Variants in USP5 observed in about 807,000 individuals in gnomAD.
USP5 encodes ubiquitin carboxyl-terminal hydrolase 5.
A neutral mutation model predicts 102.5 loss-of-function variants in USP5; 24 were observed. The ratio of observed to expected loss-of-function variants is 0.23; its 90% CI spans 0.17 to 0.33. USP5 has a LOEUF of 0.33. USP5 is among the 10% of genes least tolerant of loss of function. The pLI, the probability that USP5 is intolerant of heterozygous loss-of-function variation, is 1.00. For missense variants in USP5, 753 were observed against 1,122.1 expected (o/e 0.67, Z 4.70); for synonymous variants, 460 against 434.8 (o/e 1.06, Z -0.72).
chr12:6,866,260 CTG>C lies in USP5; in HGVS notation c.*184_*185del. 5 of 608,226 alleles carry C rather than the reference CTG, an allele frequency of 8.2e-6. No homozygotes were observed. The highest frequency in any genetic ancestry group is 2.0e-5 in the South Asian group (1 of 50,402). 37.7% of individuals were successfully genotyped at this position (608,226 alleles called of 1,614,324 possible). A position where few individuals can be genotyped will look rare whatever the true frequency, so the allele number is the denominator to read the frequency against. The stretch of plus-strand genomic sequence containing the variant: ...CAGAGCAGAGGGGCAGCGATAGACT[CTG>C]GGGATGGAGCAGGACGGGGACGGGA... On this transcript the variant is annotated 3_prime_UTR_variant, in exon 20 of 20. Transcript: ENST00000229268. The surrounding 1 kb of genome is among the most constrained non-coding windows in gnomAD (Gnocchi z 4.7).
In USP5 at chr12:6,855,726, C is replaced by T. The variant is rs782187979; in HGVS notation, c.238-29C>T. 16 of 1,613,742 alleles carry T rather than the reference C, an allele frequency of 9.9e-6. No individual in the cohort carries two copies. In the South Asian group the frequency reaches 1.8e-4, roughly 18 times the overall value. On this transcript the variant is annotated intron_variant, in intron 2 of 19. Transcript: ENST00000229268. This position sits in a 1 kb window ranked among gnomAD's most constrained non-coding sequence, Gnocchi z 4.6. The stretch of plus-strand genomic sequence containing the variant: ...CTTGTTCCTTCGCTCGTGCTCATTG[C>T]TGATCCAGCCCTTCCTGCTTCTTTA...
chr12:6,865,152 C>T lies in USP5; in HGVS notation c.2399-12C>T. ...TCTGTTTCCTTCTCTGACCCCCTCTCTCCTTTCCTAGAGTATCAGCTCTTT... is the reference window on the plus strand; with the variant it reads ...TCTGTTTCCTTCTCTGACCCCCTCTTTCCTTTCCTAGAGTATCAGCTCTTT... On this transcript the variant is annotated splice_polypyrimidine_tract_variant and intron_variant, in intron 18 of 19. Transcript: ENST00000229268. The T allele has an allele frequency of 6.2e-7, 1 of 1,608,618 alleles. No homozygotes were observed. Among genetic ancestry groups the T allele is most frequent in the Non-Finnish European group, 8.5e-7 (1 of 1,175,096 alleles).
chr12:6,863,883 A>G lies in USP5; in HGVS notation c.2008A>G (p.Met670Val), dbSNP rs782184177. The change falls in exon 16 of 20, where the codon ATG becomes GTG. Residue 670 changes from methionine (M) to valine (V), a missense_variant. Physicochemically the swap from Met to Val is conservative, Grantham distance 21 (BLOSUM62 1). Transcript: ENST00000229268. This position sits in a 1 kb window ranked among gnomAD's most constrained non-coding sequence, Gnocchi z 4.7. The part of the protein sequence containing the change: ...IIQLVEMGFP[M>V]DACRKAVYYT... ...CCAGCTGGTGGAGATGGGATTCCCT[A>G]TGGACGCCTGCCGCAAAGCTGTCTA... 3 of 1,611,838 alleles carry G rather than the reference A, an allele frequency of 1.9e-6. No homozygotes were observed. Among genetic ancestry groups the G allele is most frequent in the South Asian group, 2.2e-5 (2 of 90,846 alleles).
Position 6,855,509 on chromosome 12 carries a change from C to T in USP5, c.220C>T (p.Arg74Trp), listed in dbSNP as rs1027149668. ...KTGQRVYLHL[R>W]RTRRPKEEDP... ...CGGCCAGCGAGTCTACTTGCACCTC[C>T]GGCGGACCCGGCGCCCGGTAGGAGC... Residue 74 changes from arginine to tryptophan, a missense_variant, in exon 2 of 20, where the codon CGG becomes TGG. Transcript: ENST00000229268. This position sits in a 1 kb window ranked among gnomAD's most constrained non-coding sequence, Gnocchi z 4.6. 25 of 1,614,190 alleles carry T rather than the reference C, an allele frequency of 1.5e-5. No individual in the cohort carries two copies. Among genetic ancestry groups the T allele is most frequent in the Non-Finnish European group, 1.9e-5 (22 of 1,180,038 alleles).
rs1944260880 is a variant in USP5, at chr12:6,860,946, C to A, written c.1345-7C>A. The A allele has an allele frequency of 6.2e-6, 10 of 1,614,088 alleles. No individual in the cohort carries two copies. The Middle Eastern group carries it at 9.9e-4, about 160-fold the overall frequency. ...CCAGACCTCCCTACCCTGCCTCTTT[C>A]CCATAGAGGAATTGCCGGAGCTCTG... On this transcript the variant is annotated splice_polypyrimidine_tract_variant and splice_region_variant and intron_variant, in intron 11 of 19. Transcript: ENST00000229268. This position sits in a 1 kb window ranked among gnomAD's most constrained non-coding sequence, Gnocchi z 5.5.
At position 6,863,518 on chromosome 12, in the gene USP5, C is replaced by T; in HGVS notation, c.1954+141C>T. 9.1e-7 allele frequency: 1 copy of T among 1,092,910 alleles called. No homozygotes were observed. The highest frequency in any genetic ancestry group is 1.3e-6 in the Non-Finnish European group (1 of 766,200). 67.7% of individuals were successfully genotyped at this position (1,092,910 alleles called of 1,614,324 possible). A position where few individuals can be genotyped will look rare whatever the true frequency, so the allele number is the denominator to read the frequency against. On this transcript the variant is annotated intron_variant, in intron 15 of 19. Coordinates refer to ENST00000229268, the MANE Select transcript of USP5 (RefSeq NM_001098536.2). This position sits in a 1 kb window ranked among gnomAD's most constrained non-coding sequence, Gnocchi z 4.7. ...GCCCTCTTTGATTGACATGGGGCCTCCCCAGCGCACTCCTAGCCACCTTCT... is the reference window on the plus strand; with the variant it reads ...GCCCTCTTTGATTGACATGGGGCCTTCCCAGCGCACTCCTAGCCACCTTCT...
Position 6,866,362 on chromosome 12 carries a change from G to C in USP5, c.*285G>C, listed in dbSNP as rs1555130956. The C allele has an allele frequency of 2.4e-6, 1 of 415,222 alleles. No individual in the cohort carries two copies. The allele number at this position is 415,222 out of a possible 1,614,324, so 25.7% of individuals were successfully genotyped here. On this transcript the variant is annotated 3_prime_UTR_variant, in exon 20 of 20. Transcript: ENST00000229268. This position sits in a 1 kb window ranked among gnomAD's most constrained non-coding sequence, Gnocchi z 4.7. ...GGAATCCACAGTGCTCTGCTTCTCT[G>C]TGTCGCCCCGCCCAGCCCCCTGGTG...
Position 6,856,485 on chromosome 12 carries a change from C to T in USP5, c.584+35C>T, listed in dbSNP as rs1319713379. 6.3e-7 allele frequency: 1 copy of T among 1,584,414 alleles called. No homozygotes were observed. Among genetic ancestry groups the T allele is most frequent in the Admixed American group, 1.7e-5 (1 of 57,216 alleles). On this transcript the variant is annotated intron_variant, in intron 5 of 19. Coordinates refer to ENST00000229268, the MANE Select transcript of USP5 (RefSeq NM_001098536.2). This position sits in a 1 kb window ranked among gnomAD's most constrained non-coding sequence, Gnocchi z 5.6. Reference sequence around the variant, plus strand: ...GGCCCCTCTGCCTCGGGCACCACCCCCAGAGCAAGGACAAGGAGCCCACTT... The same window carrying T: ...GGCCCCTCTGCCTCGGGCACCACCCTCAGAGCAAGGACAAGGAGCCCACTT...
Position 6,864,983 on chromosome 12 carries a change from T to G in USP5, c.2398+108T>G. The G allele has an allele frequency of 6.8e-7, 1 of 1,472,880 alleles. No individual in the cohort carries two copies. 91.2% of individuals were successfully genotyped at this position (1,472,880 alleles called of 1,614,324 possible). A position where few individuals can be genotyped will look rare whatever the true frequency, so the allele number is the denominator to read the frequency against. Reference sequence around the variant, plus strand: ...CCTCCTCAGGAGTCAGGGGCTTCTTTCCACCTCAACGTGGCATCTGAGGGT... The same window carrying G: ...CCTCCTCAGGAGTCAGGGGCTTCTTGCCACCTCAACGTGGCATCTGAGGGT... On this transcript the variant is annotated intron_variant, in intron 18 of 19. Coordinates refer to ENST00000229268, the MANE Select transcript of USP5 (RefSeq NM_001098536.2). This position sits in a 1 kb window ranked among gnomAD's most constrained non-coding sequence, Gnocchi z 4.8.
At position 6,864,667 on chromosome 12, in the gene USP5, C is replaced by A. The variant is rs537866918; in HGVS notation, c.2245-55C>A. The A allele has an allele frequency of 1.9e-6, 3 of 1,557,476 alleles. No homozygotes were observed. The highest frequency in any genetic ancestry group is 2.7e-5 in the African/African-American group (2 of 74,298). On this transcript the variant is annotated intron_variant, in intron 17 of 19. Coordinates refer to ENST00000229268, the MANE Select transcript of USP5 (RefSeq NM_001098536.2). The surrounding 1 kb of genome is among the most constrained non-coding windows in gnomAD (Gnocchi z 4.8). Reference sequence around the variant, plus strand: ...TCGCGCCACTGCACTCCAGCCTGGGCGACAGAGCAAGACTCCGTCTCAAGA... The same window carrying A: ...TCGCGCCACTGCACTCCAGCCTGGGAGACAGAGCAAGACTCCGTCTCAAGA...
intron 13 of USP5, among the ~76,000 whole-genome samples, 175 bp from the exon 14 acceptor site, chr12:6,862,295 G>C (rs1944301376): frequency 6.6e-6 from 1 of 151,812 alleles, no homozygotes; most frequent in African/African-American, 2.4e-5. Flanking sequence ...GGCCTCTACT[G>C]CTCCTCGTTG....
rs782424731 is a variant in USP5, at chr12:6,864,118, C to A, written c.2167C>A (p.Pro723Thr). The change falls in exon 17 of 20, where the codon CCT becomes ACT. Residue 723 changes from proline (P) to threonine (T), a missense_variant. Pro to Thr is a conservative substitution (Grantham distance 38). This residue lies in a region of USP5 where 193 missense variants were observed against 230.2 expected (regional missense o/e 0.84). Transcript: ENST00000229268. The surrounding 1 kb of genome is among the most constrained non-coding windows in gnomAD (Gnocchi z 4.8). Reference protein sequence around the residue: ...PGSTSAAADPPPEDCVTTIVS... With the variant: ...PGSTSAAADPTPEDCVTTIVS... ...CTCCACAAGCGCAGCAGCCGACCCC[C>A]CTCCTGAGGACTGTGTGACCACCAT... 2.5e-6 allele frequency: 4 copies of A among 1,614,092 alleles called. No individual in the cohort carries two copies. The highest frequency in any genetic ancestry group is 3.4e-6 in the Non-Finnish European group (4 of 1,179,966).
intron 6 of USP5, among the ~76,000 whole-genome samples, chr12:6,857,216 C>T (rs1555128531): frequency 1.2e-4 from 18 of 152,178 alleles, no homozygotes; most frequent in African/African-American, 2.4e-5. Flanking sequence ...ATTGTTTGAG[C>T]ACCCGGGAGG....
At position 6,856,099 on chromosome 12, in the gene USP5, G is replaced by T. The variant is rs150961616; in HGVS notation, c.387G>T (p.Leu129=). The change falls in exon 4 of 20, where the codon CTG becomes CTT. Residue 129 remains leucine, a synonymous_variant. Coordinates refer to ENST00000229268, the MANE Select transcript of USP5 (RefSeq NM_001098536.2). The surrounding 1 kb of genome is among the most constrained non-coding windows in gnomAD (Gnocchi z 5.6). ...AGATTGTCATTTTGCCAGATTACCTGGAGATTGCCCGGGATGGACTGGGGG... is the reference window on the plus strand; with the variant it reads ...AGATTGTCATTTTGCCAGATTACCTTGAGATTGCCCGGGATGGACTGGGGG... The part of the protein sequence containing the change: ...DVKIVILPDY[L]EIARDGLGGL... 9 of 1,614,064 alleles carry T rather than the reference G, an allele frequency of 5.6e-6. No individual in the cohort carries two copies. The highest frequency in any genetic ancestry group is 7.6e-6 in the Non-Finnish European group (9 of 1,180,046).
intron 6 of USP5, among the ~76,000 whole-genome samples, 192 bp downstream of exon 6, chr12:6,857,083 C>T (rs1321815102): frequency 2.0e-5 from 3 of 151,944 alleles, no homozygotes; most frequent in Admixed American, 6.6e-5. Flanking sequence ...CCTAGGAGTT[C>T]GAGACCAGCC....
At chr12:6,865,346 G>C in intron 19 of USP5, 98 bp downstream of exon 19, 1 of 1,115,502 alleles carries the variant, frequency 9.0e-7, no homozygotes. Flanking sequence ...AAGGTGAAGG[G>C]ACTGCCTGAT....
intron 6 of USP5, 144 bp from the exon 7 acceptor site, chr12:6,857,485 T>C: frequency 6.1e-6 from 4 of 651,772 alleles, no homozygotes; most frequent in Non-Finnish European, 1.1e-5. Context: ...CGCACTCATA[T>C]TACTCATATT....
In USP5 at chr12:6,856,923, G is replaced by T; in HGVS notation, c.769+32G>T. On this transcript the variant is annotated intron_variant, in intron 6 of 19. Transcript: ENST00000229268. This position sits in a 1 kb window ranked among gnomAD's most constrained non-coding sequence, Gnocchi z 5.6. ...CCTCCCCTCCTCCAGCCACTCTCATGCTTAAATATATTTCATTTGTTAGTA... is the reference window on the plus strand; with the variant it reads ...CCTCCCCTCCTCCAGCCACTCTCATTCTTAAATATATTTCATTTGTTAGTA... The T allele has an allele frequency of 1.2e-6, 2 of 1,600,390 alleles. No homozygotes were observed. Among genetic ancestry groups the T allele is most frequent in the Non-Finnish European group, 1.7e-6 (2 of 1,171,626 alleles).
In USP5 at chr12:6,858,641, C is replaced by T. The variant is rs782457390; in HGVS notation, c.1058+24C>T. On this transcript the variant is annotated intron_variant, in intron 8 of 19. Transcript: ENST00000229268. The surrounding 1 kb of genome is among the most constrained non-coding windows in gnomAD (Gnocchi z 4.2). ...AAGTGAGTAGTGCCCTCTCCTTCCC[C>T]AGGCCCCCTCCTGGTCAGCACCCTC... 8 of 1,586,338 alleles carry T rather than the reference C, an allele frequency of 5.0e-6. No homozygotes were observed. Among genetic ancestry groups the T allele is most frequent in the Admixed American group, 1.7e-5 (1 of 59,286 alleles).
Sources: allele counts gnomAD v4.1 joint callset (sites outside exome capture counted in the v4.1 genomes callset), GRCh38; gene constraint gnomAD v4.1.1; regional missense constraint gnomAD v4.1.1; non-coding constraint Gnocchi (gnomAD v3.1); transcripts MANE v1.5; gene names NCBI Gene and HGNC (gene_info 2026-07-23, HGNC 2026-07-21).